The following DGKB variants were observed in gnomAD, a reference collection of about 807,000 sequenced individuals.
DGKB encodes diacylglycerol kinase beta.
Under a neutral mutation model 114.3 loss-of-function variants are expected in DGKB, and 67 were observed. The ratio of observed to expected loss-of-function variants is 0.59; its 90% CI spans 0.48 to 0.72. The LOEUF is 0.72. Among genes scored for constraint, DGKB ranks in the 30% least tolerant of loss-of-function variants. The probability of loss-of-function intolerance (pLI) is 0.00; values close to 1 mark genes in which losing one functional copy is unlikely to be tolerated. For synonymous variants in DGKB, 398 were observed against 323.1 expected (o/e 1.23, Z -2.49); for missense variants, 907 against 975.2 (o/e 0.93, Z 0.93).
intron 20 of DGKB, among the ~76,000 whole-genome samples, chr7:14,540,279 G>C (rs1793206815): frequency 6.6e-6 from 1 of 152,044 alleles, no homozygotes; most frequent in African/African-American, 2.4e-5. Flanking sequence ...TGATGCCTTG[G>C]AAGCGCTGGT....
chr7:14,684,906 G>A (rs1821415694), intron 10 of DGKB, among the ~76,000 whole-genome samples: 1 of 151,654 alleles, frequency 6.6e-6, no homozygotes. Context: ...GGGGAGGGGG[G>A]GATGAATATG....
intron 20 of DGKB, among the ~76,000 whole-genome samples, chr7:14,514,207 A>T (rs1333662329): frequency 3.3e-5 from 5 of 152,090 alleles, no homozygotes; most frequent in Non-Finnish European, 7.4e-5. Flanking sequence ...ATACATTTTT[A>T]AAAATATTTG....
chr7:14,912,357 C>T (rs1460991366), intron 1 of DGKB, among the ~76,000 whole-genome samples: 1 of 152,068 alleles, frequency 6.6e-6, no homozygotes, highest in Non-Finnish European at 1.5e-5. Context: ...ATCAGGTAAG[C>T]AGAATTCATT....
At chr7:14,935,822 A>G (rs1375300867) in intron 1 of DGKB, among the ~76,000 whole-genome samples, 1 of 152,058 alleles carries the variant, frequency 6.6e-6, no homozygotes, top group Non-Finnish European at 1.5e-5. Context: ...ATTTTGTATA[A>G]AAGTGCTTCT....
At chr7:14,345,271 AT>A in intron 22 of DGKB, 29 bp downstream of exon 22, 1 of 1,285,164 alleles carries the variant, frequency 7.8e-7, no homozygotes, top group Non-Finnish European at 1.1e-6. Flanking sequence ...ATTTCATCAT[AT>A]TACAAAAGAG....
At chr7:14,672,228 T>C (rs186156221) in intron 13 of DGKB, among the ~76,000 whole-genome samples, 27 of 152,250 alleles carry the variant, frequency 1.8e-4, no homozygotes, top group Admixed American at 3.9e-4. Flanking sequence ...TTCCATGTTG[T>C]TTTTCAAAAT....
intron 23 of DGKB, among the ~76,000 whole-genome samples, chr7:14,246,352 T>C (rs1794470810): frequency 6.6e-6 from 1 of 152,156 alleles, no homozygotes; most frequent in Non-Finnish European, 1.5e-5. Context: ...GACTGAGGAA[T>C]AGAAATGTTA....
At chr7:14,489,382 C>T (rs890080898) in intron 20 of DGKB, among the ~76,000 whole-genome samples, 2 of 152,010 alleles carry the variant, frequency 1.3e-5, no homozygotes, top group Non-Finnish European at 2.9e-5. Flanking sequence ...TCTGGAAACC[C>T]TAAGTGTTTT....
At chr7:14,289,421 TAAC>T (rs1182599133) in intron 23 of DGKB, among the ~76,000 whole-genome samples, 1 of 152,180 alleles carries the variant, frequency 6.6e-6, no homozygotes, top group African/African-American at 2.4e-5. Flanking sequence ...TGAACAATAA[TAAC>T]ATATTTGCTG....
intron 21 of DGKB, among the ~76,000 whole-genome samples, chr7:14,421,264 A>G (rs1290648353): frequency 6.6e-6 from 1 of 152,160 alleles, no homozygotes; most frequent in Middle Eastern, 3.4e-3. Context: ...CAATAAATCT[A>G]TGCTTTTGTT....
chr7:14,254,038 C>T (rs1255186717), intron 23 of DGKB, among the ~76,000 whole-genome samples: 1 of 152,118 alleles, frequency 6.6e-6, no homozygotes, highest in Non-Finnish European at 1.5e-5. Context: ...CTCACTTTTG[C>T]TGATACAAAC....
At position 14,925,485 on chromosome 7, in the gene DGKB, T is replaced by C. The variant is rs139890837; in HGVS notation, c.-188+49211A>G. On this transcript the variant is annotated intron_variant, in intron 1 of 4. Coordinates refer to the DGKB transcript ENST00000437998. ...GAAAGGGATTAAACTTATAGGTCAA[T>C]TTATGGAGTATTGATAGATTTTATT... Among the ~76,000 whole-genome samples the C allele has an allele frequency of 1.4e-3, 211 of 152,300 alleles. 1 individual carries two copies. The highest frequency in any genetic ancestry group is 2.0e-3 in the Non-Finnish European group (137 of 68,016).
At chr7:14,428,004 A>G (rs927566532) in intron 21 of DGKB, among the ~76,000 whole-genome samples, 1 of 151,896 alleles carries the variant, frequency 6.6e-6, no homozygotes. Context: ...CAGCACATCA[A>G]TTTTCTATTG....
At chr7:14,714,526 A>C (rs1050357158) in intron 6 of DGKB, among the ~76,000 whole-genome samples, 3 of 152,158 alleles carry the variant, frequency 2.0e-5, no homozygotes, top group African/African-American at 7.2e-5. Flanking sequence ...AAAAAAAATA[A>C]GTATGTTAGT....
At chr7:14,545,608 C>T (rs1329146303) in intron 20 of DGKB, among the ~76,000 whole-genome samples, 2 of 152,178 alleles carry the variant, frequency 1.3e-5, no homozygotes, top group Admixed American at 1.3e-4. Flanking sequence ...AGACTAAAGG[C>T]TTAATCAGCT....
At chr7:14,327,765 GAC>G (rs1026495013) in intron 23 of DGKB, among the ~76,000 whole-genome samples, 1 of 151,994 alleles carries the variant, frequency 6.6e-6, no homozygotes, top group Non-Finnish European at 1.5e-5. Context: ...GTGAAAAAAA[GAC>G]AACAATACCG....
chr7:14,622,198 T>C (rs910995286), intron 14 of DGKB, among the ~76,000 whole-genome samples: 7 of 152,140 alleles, frequency 4.6e-5, no homozygotes, highest in Non-Finnish European at 1.0e-4. Context: ...TCTGACAGAA[T>C]TGATCTCTTC....
chr7:14,252,619 G>C (rs10261697), intron 23 of DGKB, among the ~76,000 whole-genome samples: 1,645 of 152,096 alleles, frequency 0.011, 29 homozygotes, highest in African/African-American at 0.036. Context: ...CAGGCGCCAG[G>C]CTCCACAGAA....
At position 14,853,261 on chromosome 7, in the gene DGKB, T is replaced by C. The variant is rs189570525; in HGVS notation, c.-187-11811A>G. Among the ~76,000 whole-genome samples, 6 of 152,262 alleles carry C rather than the reference T, an allele frequency of 3.9e-5. No homozygotes were observed. In the East Asian group the frequency reaches 1.2e-3, roughly 30 times the overall value. On this transcript the variant is annotated intron_variant, in intron 1 of 25. Coordinates refer to ENST00000402815, the MANE Select transcript of DGKB (RefSeq NM_001350709.2). ...AGAAATGGACTCAATTTACACAGCA[T>C]AGATGTCACCAATAGAAAAATACAT...
Sources: gnomAD v4.1 joint callset for allele counts (sites outside exome capture counted in the v4.1 genomes callset) on GRCh38, gnomAD v4.1.1 for gene constraint, MANE v1.5 for transcripts, NCBI Gene and HGNC (gene_info 2026-07-23, HGNC 2026-07-21) for gene names.